Variants in ABRACL observed in about 807,000 individuals in gnomAD.
ABRACL encodes the protein costars family protein ABRACL.
In ABRACL, 4 loss-of-function variants were observed where a neutral mutation model predicts 7.0. The ratio of observed to expected loss-of-function variants is 0.57; its 90% confidence interval spans 0.28 to 1.30. The LOEUF (loss-of-function observed/expected upper bound fraction) is 1.30, where lower values mean the gene tolerates loss of function less well. ABRACL is among the 50% of genes most tolerant of loss of function. The pLI is 0.10. For missense variants in ABRACL, 104 were observed against 97.3 expected, an observed-to-expected ratio of 1.07 and a Z score of -0.29; for synonymous variants, 30 against 36.0, an observed-to-expected ratio of 0.83 and a Z score of 0.60.
chr6:139,035,672 G>A (rs1165275926), intron 2 of ABRACL, among the ~76,000 whole-genome samples: 1 of 151,556 alleles, frequency 6.6e-6, no homozygotes. Context: ...TAGTAGAGAT[G>A]GGGTTTCACC....
intron 2 of ABRACL, chr6:139,034,726 A>G (rs1438997854): frequency 5.0e-6 from 1 of 199,076 alleles, no homozygotes; most frequent in East Asian, 1.2e-4. Flanking sequence ...GTTTTGTATA[A>G]TCAGATATTA....
chr6:139,036,988 C>T (rs12201241), intron 2 of ABRACL, among the ~76,000 whole-genome samples: 57,038 of 150,374 alleles, frequency 0.38, 11,239 homozygotes, highest in Non-Finnish European at 0.42. Flanking sequence ...TGTCTCAAAA[C>T]AAAAACAAAA....
intron 1 of ABRACL, among the ~76,000 whole-genome samples, chr6:139,029,179 C>A (rs956736769): frequency 6.6e-5 from 10 of 152,054 alleles, no homozygotes; most frequent in Non-Finnish European, 1.2e-4. Flanking sequence ...CGCGGTGCGA[C>A]GTGTCGGCTT....
At chr6:139,029,802 T>C (rs918666414) in intron 1 of ABRACL, among the ~76,000 whole-genome samples, 7 of 152,210 alleles carry the variant, frequency 4.6e-5, no homozygotes, top group African/African-American at 1.7e-4. Flanking sequence ...CCCGAGTGTG[T>C]AAAGTTGGTT....
intron 1 of ABRACL, among the ~76,000 whole-genome samples, chr6:139,030,946 AT>A (rs1786073660): frequency 6.6e-6 from 1 of 152,250 alleles, no homozygotes; most frequent in Non-Finnish European, 1.5e-5. Context: ...CATGCTTAAA[AT>A]TGGATGAACG....
chr6:139,040,260 C>T (rs924170201), intron 2 of ABRACL, among the ~76,000 whole-genome samples: 2 of 152,094 alleles, frequency 1.3e-5, no homozygotes, highest in African/African-American at 4.8e-5. Context: ...CAGCAGCTTG[C>T]AGTGATGCAT....
intron 2 of ABRACL, among the ~76,000 whole-genome samples, chr6:139,037,792 T>C (rs1273676374): frequency 1.5e-5 from 2 of 135,964 alleles, no homozygotes; most frequent in Admixed American, 7.7e-5. Flanking sequence ...TTTTTTTTTT[T>C]CTGGGATAGA....
intron 1 of ABRACL, among the ~76,000 whole-genome samples, chr6:139,033,528 C>A (rs1424036971): frequency 6.6e-6 from 1 of 152,160 alleles, no homozygotes; most frequent in African/African-American, 2.4e-5. Flanking sequence ...GTGCCCAGCC[C>A]CCAGCTTAGG....
intron 2 of ABRACL, chr6:139,034,459 C>T (rs889579653): frequency 1.5e-4 from 211 of 1,437,046 alleles, no homozygotes; most frequent in Non-Finnish European, 1.7e-4. Flanking sequence ...CATTATTTTT[C>T]GATAGAAAGC....
intron 2 of ABRACL, among the ~76,000 whole-genome samples, chr6:139,041,451 C>CTCTCTCTCTATATA (rs140091253): frequency 4.4e-4 from 48 of 110,036 alleles, no homozygotes; most frequent in Non-Finnish European, 6.6e-4. Context: ...CTCTCTCTCT[C>CTCTCTCTCTATATA]TATATATATA....
At chr6:139,037,123 A>G in intron 2 of ABRACL, among the ~76,000 whole-genome samples, 1 of 152,172 alleles carries the variant, frequency 6.6e-6, no homozygotes, top group Admixed American at 6.5e-5. Context: ...GGGGGCACTC[A>G]ATGAAGTCTT....
At chr6:139,039,401 A>G (rs2114312845) in intron 2 of ABRACL, among the ~76,000 whole-genome samples, 1 of 152,298 alleles carries the variant, frequency 6.6e-6, no homozygotes, top group South Asian at 2.1e-4. Flanking sequence ...TACATCGAAC[A>G]GTTCTGGATC....
chr6:139,033,366 G>T (rs1003647699), intron 1 of ABRACL, among the ~76,000 whole-genome samples: 1 of 152,224 alleles, frequency 6.6e-6, no homozygotes, highest in East Asian at 1.9e-4. Flanking sequence ...ATTGCAATCG[G>T]ATTTACTGGG....
chr6:139,038,638 T>A (rs1327361616), intron 2 of ABRACL, among the ~76,000 whole-genome samples: 1 of 152,014 alleles, frequency 6.6e-6, no homozygotes, highest in Non-Finnish European at 1.5e-5. Context: ...ATTCAACAAA[T>A]TTTTTTTAGT....
intron 2 of ABRACL, among the ~76,000 whole-genome samples, chr6:139,041,425 A>ATCTCTCTC (rs72110050): frequency 1.9e-4 from 22 of 117,258 alleles, no homozygotes; most frequent in South Asian, 8.5e-4. Context: ...CACCAGACCC[A>ATCTCTCTC]TCTCTCTCTC....
At chr6:139,038,452 T>A (rs1406161399) in intron 2 of ABRACL, among the ~76,000 whole-genome samples, 3 of 152,252 alleles carry the variant, frequency 2.0e-5, no homozygotes. Context: ...GTTAATTATT[T>A]AAGTTGTATC....
At chr6:139,036,897 T>A (rs1021017024) in intron 2 of ABRACL, among the ~76,000 whole-genome samples, 1 of 152,076 alleles carries the variant, frequency 6.6e-6, no homozygotes, top group Non-Finnish European at 1.5e-5. Flanking sequence ...GGCAGGAGGA[T>A]TGCATGAGCT....
intron 1 of ABRACL, 22 bp from the exon 2 acceptor site, chr6:139,034,133 A>T: frequency 1.2e-6 from 2 of 1,614,108 alleles, no homozygotes; most frequent in Non-Finnish European, 1.7e-6. Flanking sequence ...GATAATTTAG[A>T]CTTCCTTTTT....
chr6:139,037,105 T>C lies in ABRACL; in HGVS notation c.61+2884T>C, dbSNP rs150482483. On this transcript the variant is annotated intron_variant, in intron 2 of 2. Coordinates refer to ENST00000367660, the MANE Select transcript of ABRACL (RefSeq NM_021243.3). ...CTTCAAAATAGATTATTGGAAGTTG[T>C]AGTAGTTGGGGGCACTCAATGAAGT... Among the ~76,000 whole-genome samples, 778 of 152,048 alleles carry C rather than the reference T, an allele frequency of 5.1e-3. 6 individuals carry two copies. The highest frequency in any genetic ancestry group is 0.018 in the African/African-American group (744 of 41,446).
Sources: gnomAD v4.1 joint callset for allele counts (sites outside exome capture counted in the v4.1 genomes callset) on GRCh38, gnomAD v4.1.1 for gene constraint, MANE v1.5 for transcripts, NCBI Gene and HGNC (gene_info 2026-07-23, HGNC 2026-07-21) for gene names.